The following ZFAND3 variants were observed in gnomAD, a reference collection of about 807,000 sequenced individuals.
ZFAND3 encodes AN1-type zinc finger protein 3.
In ZFAND3, 10 loss-of-function variants were observed where a neutral mutation model predicts 29.6. The ratio of observed to expected loss-of-function variants is 0.34; its 90% confidence interval spans 0.21 to 0.57. ZFAND3 has a LOEUF of 0.57. Among genes scored for constraint, ZFAND3 ranks in the 20% least tolerant of loss-of-function variants. The probability of loss-of-function intolerance (pLI) is 0.86; values close to 1 mark genes in which losing one functional copy is unlikely to be tolerated. For synonymous variants in ZFAND3, 128 were observed against 112.6 expected, an observed-to-expected ratio of 1.14 and a Z score of -0.87; for missense variants, 230 against 304.5, an observed-to-expected ratio of 0.76 and a Z score of 1.82.
chr6:37,967,171 G>C (rs1314836019), intron 2 of ZFAND3, among the ~76,000 whole-genome samples: 4 of 152,182 alleles, frequency 2.6e-5, no homozygotes, highest in Non-Finnish European at 1.5e-5. Flanking sequence ...TTTAAAACTA[G>C]GTAAGTATCC....
chr6:37,903,535 C>T lies in ZFAND3; in HGVS notation c.72-26424C>T, dbSNP rs189337945. Among the ~76,000 whole-genome samples the T allele has an allele frequency of 5.9e-5, 9 of 152,276 alleles. No homozygotes were observed. In the East Asian group the frequency reaches 1.5e-3, roughly 26 times the overall value. On this transcript the variant is annotated intron_variant, in intron 1 of 5. Transcript: ENST00000287218. ...CTTGCTACCAAGCTTTTACTTACAGCGCATATTCCGTTTAGTAGAGTAAGA... is the reference window on the plus strand; with the variant it reads ...CTTGCTACCAAGCTTTTACTTACAGTGCATATTCCGTTTAGTAGAGTAAGA...
intron 5 of ZFAND3, among the ~76,000 whole-genome samples, chr6:38,143,476 C>T (rs1766005382): frequency 6.6e-6 from 1 of 152,234 alleles, no homozygotes; most frequent in Non-Finnish European, 1.5e-5. Context: ...GTATCTTTGC[C>T]TCTATCATAC....
At chr6:38,137,711 G>C (rs1185657554) in intron 5 of ZFAND3, among the ~76,000 whole-genome samples, 1 of 152,188 alleles carries the variant, frequency 6.6e-6, no homozygotes, top group Non-Finnish European at 1.5e-5. Flanking sequence ...GGGGAGGCCA[G>C]CACCTGGGAG....
At position 37,819,827 on chromosome 6, in the gene ZFAND3, C is replaced by T. The variant is rs956902206; in HGVS notation, c.-119C>T. ...ACTCGCGCCCGCCCGCGCGCCCGCTCCTTCCCCCTCCCCCCGCCCCGAGCC... is the reference window on the plus strand; with the variant it reads ...ACTCGCGCCCGCCCGCGCGCCCGCTTCTTCCCCCTCCCCCCGCCCCGAGCC... On this transcript the variant is annotated 5_prime_UTR_variant, in exon 1 of 6. Coordinates refer to ENST00000287218, the MANE Select transcript of ZFAND3 (RefSeq NM_021943.3). 59 of 524,728 alleles carry T rather than the reference C, an allele frequency of 1.1e-4. No individual in the cohort carries two copies. The highest frequency in any genetic ancestry group is 4.9e-4 in the African/African-American group (24 of 48,574). 32.5% of individuals were successfully genotyped at this position (524,728 alleles called of 1,614,324 possible). A position where few individuals can be genotyped will look rare whatever the true frequency, so the allele number is the denominator to read the frequency against.
At chr6:37,959,374 A>C (rs1324057102) in intron 2 of ZFAND3, among the ~76,000 whole-genome samples, 1 of 152,234 alleles carries the variant, frequency 6.6e-6, no homozygotes, top group Non-Finnish European at 1.5e-5. Flanking sequence ...TTGGAATTAC[A>C]TAGATGGCTC....
At chr6:38,064,342 C>G (rs939368568) in intron 3 of ZFAND3, among the ~76,000 whole-genome samples, 1 of 152,184 alleles carries the variant, frequency 6.6e-6, no homozygotes, top group Admixed American at 6.5e-5. Context: ...TGCATATTTT[C>G]TCATTGTTTT....
At chr6:37,825,420 G>A (rs1004047132) in intron 1 of ZFAND3, among the ~76,000 whole-genome samples, 2 of 152,192 alleles carry the variant, frequency 1.3e-5, no homozygotes, top group African/African-American at 4.8e-5. Context: ...AGTATTCACT[G>A]TCGGTTCATT....
chr6:37,943,092 GA>G (rs984992549), intron 2 of ZFAND3, among the ~76,000 whole-genome samples: 276 of 151,808 alleles, frequency 1.8e-3, no homozygotes, highest in African/African-American at 6.2e-3. Flanking sequence ...GTATCATGTT[GA>G]AAAAAAAGGT....
chr6:37,868,643 A>G (rs974581512), intron 1 of ZFAND3, among the ~76,000 whole-genome samples: 2 of 152,236 alleles, frequency 1.3e-5, no homozygotes, highest in Non-Finnish European at 2.9e-5. Context: ...GATTTTTGTG[A>G]AAGATCTCTC....
At chr6:38,096,365 G>C (rs531655071) in intron 4 of ZFAND3, among the ~76,000 whole-genome samples, 3 of 152,202 alleles carry the variant, frequency 2.0e-5, no homozygotes, top group Admixed American at 6.5e-5. Context: ...TAGAGGCGGG[G>C]TTTCACCATA....
intron 1 of ZFAND3, among the ~76,000 whole-genome samples, chr6:37,876,873 T>A (rs1360786307): frequency 6.6e-6 from 1 of 152,222 alleles, no homozygotes; most frequent in African/African-American, 2.4e-5. Flanking sequence ...TAATTGAGGT[T>A]ATTTTCGATG....
intron 2 of ZFAND3, among the ~76,000 whole-genome samples, chr6:38,052,016 T>C (rs1026515478): frequency 6.6e-6 from 1 of 152,232 alleles, no homozygotes; most frequent in African/African-American, 2.4e-5. Flanking sequence ...CTCTGAGTAG[T>C]TGGCTCTATA....
intron 1 of ZFAND3, among the ~76,000 whole-genome samples, chr6:37,885,488 A>T (rs1017060921): frequency 1.3e-5 from 2 of 152,096 alleles, no homozygotes; most frequent in African/African-American, 4.8e-5. Flanking sequence ...TTCTAAAAAT[A>T]CAAAAATTAG....
chr6:38,043,513 T>TCCCTCTCTCCTTTTCTC (rs1763835465), intron 2 of ZFAND3, among the ~76,000 whole-genome samples: 1 of 143,040 alleles, frequency 7.0e-6, no homozygotes, highest in Non-Finnish European at 1.5e-5. Flanking sequence ...CCTTCCTCCC[T>TCCCTCTCTCCTTTTCTC]CCCTCTCTCC....
At position 37,908,529 on chromosome 6, in the gene ZFAND3, T is replaced by TA. The variant is rs71542146; in HGVS notation, c.72-21419dup. 8.4e-4 allele frequency among the ~76,000 whole-genome samples: 70 copies of TA among 83,068 alleles called. 1 individual carries two copies. In the East Asian group the frequency reaches 0.013, roughly 15 times the overall value. The allele number at this position is 83,068 out of a possible 152,430, so 54.5% of individuals were successfully genotyped here. A position where few individuals can be genotyped will look rare whatever the true frequency, so the allele number is the denominator to read the frequency against. ...TGTACCCTAAAACTTAAAGTATAAT[T>TA]AAAAAAAAAAATTAAAAAAAAAAAA... On this transcript the variant is annotated intron_variant, in intron 1 of 5. Coordinates refer to ENST00000287218, the MANE Select transcript of ZFAND3 (RefSeq NM_021943.3).
At chr6:38,125,089 T>C (rs976261826) in intron 5 of ZFAND3, among the ~76,000 whole-genome samples, 1 of 152,198 alleles carries the variant, frequency 6.6e-6, no homozygotes, top group African/African-American at 2.4e-5. Context: ...AGTTATTATA[T>C]ATGTGAGAGC....
At chr6:38,126,796 G>C (rs1002964229) in intron 5 of ZFAND3, among the ~76,000 whole-genome samples, 13 of 151,152 alleles carry the variant, frequency 8.6e-5, no homozygotes, top group African/African-American at 3.2e-4. Context: ...AATATGATAT[G>C]TCTCTCTATT....
At position 37,979,991 on chromosome 6, in the gene ZFAND3, C is replaced by T. The variant is rs555428135; in HGVS notation, c.112+49992C>T. Among the ~76,000 whole-genome samples, 4 of 152,266 alleles carry T rather than the reference C, an allele frequency of 2.6e-5. No individual in the cohort carries two copies. In the South Asian group the frequency reaches 6.2e-4, roughly 24 times the overall value. On this transcript the variant is annotated intron_variant, in intron 2 of 5. Transcript: ENST00000287218. ...TCAGATCATTAAACCAAGCACTGCA[C>T]CCTTCGGAGCTGCAGCTGCACAGGT...
chr6:37,978,612 A>G (rs1356623089), intron 2 of ZFAND3, among the ~76,000 whole-genome samples: 2 of 152,236 alleles, frequency 1.3e-5, no homozygotes, highest in African/African-American at 2.4e-5. Context: ...TTCTTTGATA[A>G]TGATACACGG....
Sources: gnomAD v4.1 joint callset for allele counts (sites outside exome capture counted in the v4.1 genomes callset) on GRCh38, gnomAD v4.1.1 for gene constraint, MANE v1.5 for transcripts, NCBI Gene and HGNC (gene_info 2026-07-23, HGNC 2026-07-21) for gene names.